The following GPR149 variants were observed in gnomAD, a reference collection of about 807,000 sequenced individuals.
GPR149 encodes the protein probable G protein-coupled receptor 149.
Under a neutral mutation model 50.2 loss-of-function variants are expected in GPR149, and 50 were observed. The ratio of observed to expected loss-of-function variants is 1.00; its 90% CI spans 0.79 to 1.26. The LOEUF (loss-of-function observed/expected upper bound fraction) is 1.26. Among genes scored for constraint, GPR149 ranks in the 50% most tolerant of loss-of-function variants. GPR149 has a pLI of 0.00. For missense variants in GPR149, 983 were observed against 895.4 expected, an observed-to-expected ratio of 1.10 and a Z score of -1.25; for synonymous variants, 405 against 358.2, an observed-to-expected ratio of 1.13 and a Z score of -1.48.
Position 154,360,216 on chromosome 3 carries a change from A to G in GPR149, c.1624-21945T>C, listed in dbSNP as rs533720492. 3.9e-5 allele frequency among the ~76,000 whole-genome samples: 6 copies of G among 152,338 alleles called. No homozygotes were observed. The South Asian group carries it at 1.2e-3, about 32-fold the overall frequency. Reference sequence around the variant, plus strand: ...TTCAGGGGATCTGTGGTCAAAACCCATCTTACAAACAGTTTCAGGGGGTCT... The same window carrying G: ...TTCAGGGGATCTGTGGTCAAAACCCGTCTTACAAACAGTTTCAGGGGGTCT... On this transcript the variant is annotated intron_variant, in intron 3 of 3. Coordinates refer to ENST00000389740, the MANE Select transcript of GPR149 (RefSeq NM_001038705.3).
At position 154,429,256 on chromosome 3, in the gene GPR149, G is replaced by T; in HGVS notation, c.360C>A (p.Asn120Lys). 1 of 1,614,214 alleles carries T rather than the reference G, an allele frequency of 6.2e-7. No individual in the cohort carries two copies. Among genetic ancestry groups the T allele is most frequent in the Non-Finnish European group, 8.5e-7 (1 of 1,180,038 alleles). Residue 120 changes from asparagine (N) to lysine (K), a missense_variant, in exon 1 of 4, where the codon AAC (asparagine) becomes AAA (lysine). By Grantham distance (94) the Asn-to-Lys change is moderately conservative. Coordinates refer to ENST00000389740, the MANE Select transcript of GPR149 (RefSeq NM_001038705.3). ...LMYLCQGLSS[N>K]LKATLLVSYN... is the part of the protein sequence containing the mutation. Reference sequence around the variant, plus strand: ...AAGAGACTAGGAGAGTCGCCTTCAAGTTGCTAGAGAGGCCCTGGCATAAAT... The same window carrying T: ...AAGAGACTAGGAGAGTCGCCTTCAATTTGCTAGAGAGGCCCTGGCATAAAT...
At chr3:154,423,478 C>G (rs1171601533) in intron 2 of GPR149, among the ~76,000 whole-genome samples, 4 of 151,708 alleles carry the variant, frequency 2.6e-5, no homozygotes, top group Non-Finnish European at 5.9e-5. Context: ...GTTTTTAAGT[C>G]AGAGGAAATA....
At chr3:154,414,770 G>T (rs924950352) in intron 3 of GPR149, among the ~76,000 whole-genome samples, 7 of 151,746 alleles carry the variant, frequency 4.6e-5, no homozygotes, top group Non-Finnish European at 8.8e-5. Context: ...TAATTGAGGG[G>T]TATTCCAAAA....
chr3:154,415,983 A>G (rs1711976681), intron 3 of GPR149, among the ~76,000 whole-genome samples: 1 of 151,868 alleles, frequency 6.6e-6, no homozygotes, highest in Non-Finnish European at 1.5e-5. Context: ...TTTTTCTAGT[A>G]TGGTCATTTC....
At chr3:154,378,623 A>C (rs1714850106) in intron 3 of GPR149, among the ~76,000 whole-genome samples, 1 of 152,220 alleles carries the variant, frequency 6.6e-6, no homozygotes, top group South Asian at 2.1e-4. Flanking sequence ...TAATTTGTAC[A>C]ACTTTGTTTT....
chr3:154,419,208 TC>T (rs1239909778), intron 3 of GPR149, among the ~76,000 whole-genome samples: 2 of 152,090 alleles, frequency 1.3e-5, no homozygotes, highest in Admixed American at 6.6e-5. Flanking sequence ...CCTGGATTGA[TC>T]AAAGTTTTAT....
At chr3:154,381,612 T>C (rs572891174) in intron 3 of GPR149, among the ~76,000 whole-genome samples, 1 of 152,324 alleles carries the variant, frequency 6.6e-6, no homozygotes, top group South Asian at 2.1e-4. Flanking sequence ...AATCTCTAAT[T>C]GGTTTAAGAT....
Position 154,376,110 on chromosome 3 carries a change from C to G in GPR149, c.1624-37839G>C, listed in dbSNP as rs1249895676. Among the ~76,000 whole-genome samples the G allele has an allele frequency of 2.6e-5, 4 of 152,318 alleles. No individual in the cohort carries two copies. The East Asian group carries it at 7.7e-4, about 29-fold the overall frequency. On this transcript the variant is annotated intron_variant, in intron 3 of 3. Transcript: ENST00000389740. ...ATGTGAGCCAAATTCTATAATGAAT[C>G]TATTACTCAGTCTATCTAGCTAGCT...
Position 154,349,516 on chromosome 3 carries a change from A to G in GPR149, c.1624-11245T>C, listed in dbSNP as rs1394398719. On this transcript the variant is annotated intron_variant, in intron 3 of 3. Transcript: ENST00000389740. Reference sequence around the variant, plus strand: ...ACATGAAATAGATTGATCCCTTGTAAAACAAACTACTACAATGTGCCAAAT... The same window carrying G: ...ACATGAAATAGATTGATCCCTTGTAGAACAAACTACTACAATGTGCCAAAT... Among the ~76,000 whole-genome samples the G allele has an allele frequency of 2.6e-5, 4 of 152,340 alleles. No individual in the cohort carries two copies. The East Asian group carries it at 7.7e-4, about 29-fold the overall frequency.
At chr3:154,367,421 T>G (rs371915573) in intron 3 of GPR149, among the ~76,000 whole-genome samples, 5 of 152,126 alleles carry the variant, frequency 3.3e-5, no homozygotes, top group Admixed American at 1.3e-4. Flanking sequence ...TCCAATTCCT[T>G]GTAAACACAG....
At chr3:154,376,824 T>C (rs149153917) in intron 3 of GPR149, among the ~76,000 whole-genome samples, 3 of 152,308 alleles carry the variant, frequency 2.0e-5, no homozygotes, top group African/African-American at 7.2e-5. Flanking sequence ...AGTCATATCT[T>C]GGCCTTACCA....
At chr3:154,339,117 A>C (rs915764382) in intron 3 of GPR149, among the ~76,000 whole-genome samples, 1 of 152,196 alleles carries the variant, frequency 6.6e-6, no homozygotes, top group African/African-American at 2.4e-5. Flanking sequence ...GAAGATGATA[A>C]TGTACCAAAC....
chr3:154,354,309 G>A (rs974170233), intron 3 of GPR149: 1 of 313,674 alleles, frequency 3.2e-6, no homozygotes, highest in Admixed American at 4.8e-5. Flanking sequence ...TATAAGGGAA[G>A]TACAGGTCTA....
chr3:154,428,597 C>G, intron 1 of GPR149, 38 bp downstream of exon 1: 2 of 1,587,092 alleles, frequency 1.3e-6, no homozygotes, highest in South Asian at 2.3e-5. Flanking sequence ...CACTGTCTGG[C>G]ACACACACTC....
chr3:154,345,517 G>C (rs991234073), intron 3 of GPR149, among the ~76,000 whole-genome samples: 2 of 152,128 alleles, frequency 1.3e-5, no homozygotes, highest in African/African-American at 4.8e-5. Context: ...CTATATTCTT[G>C]AGTGTAGGTG....
chr3:154,364,651 TA>T (rs564543495), intron 3 of GPR149, among the ~76,000 whole-genome samples: 1 of 152,166 alleles, frequency 6.6e-6, no homozygotes, highest in Non-Finnish European at 1.5e-5. Flanking sequence ...GTCCAAAACC[TA>T]AAAGGGAAAA....
In GPR149 at chr3:154,427,545, G is replaced by A. The variant is rs772320045; in HGVS notation, c.1145C>T (p.Ala382Val). The change falls in exon 2 of 4, where the codon GCA (alanine) becomes GTA (valine). Residue 382 changes from alanine to valine, a missense_variant. By Grantham distance (64) the Ala-to-Val change is moderately conservative. Transcript: ENST00000389740. Reference protein sequence around the residue: ...CGCIINCRQNAYAVASDGKKI... With the variant: ...CGCIINCRQNVYAVASDGKKI... ...TTTCCCATCGGACGCCACTGCATAT[G>A]CGTTCTGCCTGCAGTTGATGATGCA... 1.7e-4 allele frequency: 282 copies of A among 1,613,448 alleles called. 1 individual carries two copies. The South Asian group carries it at 2.2e-3, about 13-fold the overall frequency.
intron 3 of GPR149, among the ~76,000 whole-genome samples, chr3:154,403,789 G>GAAA (rs35117968): frequency 4.0e-5 from 6 of 149,032 alleles, no homozygotes; most frequent in African/African-American, 1.5e-4. Context: ...CTAACTCTAT[G>GAAA]AAAAAAAAAA....
intron 1 of GPR149, 83 bp downstream of exon 1, chr3:154,428,552 C>G: frequency 2.0e-6 from 3 of 1,469,574 alleles, no homozygotes; most frequent in South Asian, 2.7e-5. Flanking sequence ...TTGGTGACTC[C>G]CCAAACCGGC....
Sources: allele counts gnomAD v4.1 joint callset (sites outside exome capture counted in the v4.1 genomes callset), GRCh38; gene constraint gnomAD v4.1.1; transcripts MANE v1.5; gene names NCBI Gene and HGNC (gene_info 2026-07-23, HGNC 2026-07-21).